OSBPL5: variants seen among roughly 807,000 people sequenced by gnomAD.
The protein encoded by OSBPL5 is oxysterol binding protein like 5.
Under a neutral mutation model 111.2 loss-of-function variants are expected in OSBPL5, and 71 were observed. The ratio of observed to expected loss-of-function variants is 0.64; its 90% confidence interval spans 0.53 to 0.78. The LOEUF is 0.78. Ranked by LOEUF, OSBPL5 falls within the 30% of genes least tolerant of loss-of-function variation. The pLI, the probability that OSBPL5 is intolerant of heterozygous loss-of-function variation, is 0.00. For missense variants in OSBPL5, 1,210 were observed against 1,189.3 expected, an observed-to-expected ratio of 1.02 and a Z score of -0.26; for synonymous variants, 549 against 513.9, an observed-to-expected ratio of 1.07 and a Z score of -0.93.
chr11:3,094,789 G>A (rs561092183), intron 14 of OSBPL5: 164 of 157,940 alleles, frequency 1.0e-3, no homozygotes, highest in African/African-American at 3.7e-3. Flanking sequence ...TCACTGCTGC[G>A]TCCCAGGATG....
At chr11:3,101,385 C>T (rs1441986802) in intron 13 of OSBPL5, among the ~76,000 whole-genome samples, 1 of 152,188 alleles carries the variant, frequency 6.6e-6, no homozygotes, top group Non-Finnish European at 1.5e-5. Flanking sequence ...CCCACAGCGT[C>T]CCTACAAAAG....
rs552382553 is a variant in OSBPL5 at position 3,098,495 on chromosome 11, A to ATTTTTTTTTTTTTTTTTT, written c.1621+1645_1621+1662dup. ...TCAAGCCATAAAAAGACATGAAGGAATTTTTTTTTTTTTTTTTTTTTTTTT... is the reference window on the plus strand; with the variant it reads ...TCAAGCCATAAAAAGACATGAAGGAATTTTTTTTTTTTTTTTTTTTTTTTTTTTTTTTTTTTTTTTTTT... On this transcript the variant is annotated intron_variant, in intron 14 of 21. Coordinates refer to ENST00000263650, the MANE Select transcript of OSBPL5 (RefSeq NM_020896.4). 6.2e-5 allele frequency among the ~76,000 whole-genome samples: 5 copies of ATTTTTTTTTTTTTTTTTT among 81,194 alleles called. 1 individual carries two copies. Among genetic ancestry groups the ATTTTTTTTTTTTTTTTTT allele is most frequent in the African/African-American group, 1.3e-4 (2 of 15,914 alleles). The allele number at this position is 81,194 out of a possible 152,430, so 53.3% of individuals were successfully genotyped here.
chr11:3,151,037 G>A lies in OSBPL5; in HGVS notation c.-22+14179C>T, dbSNP rs115451982. Reference sequence around the variant, plus strand: ...CCTTGGAAAGAGGGTCACTGTATGGGGTCCTCATCCAATGCCTGGGGTCCA... The same window carrying A: ...CCTTGGAAAGAGGGTCACTGTATGGAGTCCTCATCCAATGCCTGGGGTCCA... On this transcript the variant is annotated intron_variant, in intron 1 of 21. Transcript: ENST00000263650. 1.8e-3 allele frequency among the ~76,000 whole-genome samples: 269 copies of A among 152,272 alleles called. 1 individual carries two copies. Among genetic ancestry groups the A allele is most frequent in the African/African-American group, 6.2e-3 (258 of 41,548 alleles).
At chr11:3,127,965 G>A (rs988928785) in intron 2 of OSBPL5, among the ~76,000 whole-genome samples, 1 of 152,212 alleles carries the variant, frequency 6.6e-6, no homozygotes, top group African/African-American at 2.4e-5. Context: ...CCAGCAGCTG[G>A]GACCCAGCCC....
chr11:3,092,805 T>C lies in OSBPL5; in HGVS notation c.2132+62A>G. ...GGGAAGCCAGGAGCCCCTGGGCCCT[T>C]CTCAGCCCGTCTGCTAGGCCCAGCC... is the stretch of plus-strand genomic sequence containing the variant. On this transcript the variant is annotated intron_variant, in intron 18 of 21. Coordinates refer to ENST00000263650, the MANE Select transcript of OSBPL5 (RefSeq NM_020896.4). This position sits in a 1 kb window ranked among gnomAD's most constrained non-coding sequence, Gnocchi z 5.4. The C allele has an allele frequency of 6.8e-7, 1 of 1,469,426 alleles. No homozygotes were observed. The highest frequency in any genetic ancestry group is 9.1e-7 in the Non-Finnish European group (1 of 1,101,674). The allele number at this position is 1,469,426 out of a possible 1,614,324, so 91.0% of individuals were successfully genotyped here. A position where few individuals can be genotyped will look rare whatever the true frequency, so the allele number is the denominator to read the frequency against.
In OSBPL5 at chr11:3,104,868, T is replaced by C. The variant is rs930836031; in HGVS notation, c.1060-491A>G. Among the ~76,000 whole-genome samples the C allele has an allele frequency of 1.3e-5, 2 of 152,226 alleles. No homozygotes were observed. Among genetic ancestry groups the C allele is most frequent in the Non-Finnish European group, 2.9e-5 (2 of 68,040 alleles). Reference sequence around the variant, plus strand: ...CCACTTTATTGAGGTCTGATTGATATACAGAAGCCTTCAGATATTGAATGT... The same window carrying C: ...CCACTTTATTGAGGTCTGATTGATACACAGAAGCCTTCAGATATTGAATGT... On this transcript the variant is annotated intron_variant, in intron 9 of 21. Transcript: ENST00000263650. This position sits in a 1 kb window ranked among gnomAD's most constrained non-coding sequence, Gnocchi z 5.0.
chr11:3,107,404 T>G lies in OSBPL5; in HGVS notation c.918A>C (p.Arg306Ser). The G allele has an allele frequency of 6.2e-7, 1 of 1,614,014 alleles. No homozygotes were observed. The highest frequency in any genetic ancestry group is 2.2e-5 in the East Asian group (1 of 44,864). The change falls in exon 9 of 22, where the codon AGA (arginine) becomes AGC (serine). Residue 306 changes from arginine to serine, a missense_variant. By Grantham distance (110) the Arg-to-Ser change is moderately radical. Coordinates refer to ENST00000263650, the MANE Select transcript of OSBPL5 (RefSeq NM_020896.4). This position sits in a 1 kb window ranked among gnomAD's most constrained non-coding sequence, Gnocchi z 6.1. ...ENDAFSDKSE[R>S]ENPEESDTET... ...CGGTATCTGACTCCTCAGGGTTCTC[T>G]CTCTCCGACTTGTCTGAGAATGCAT...
chr11:3,135,297 G>T (rs961016208), intron 1 of OSBPL5, among the ~76,000 whole-genome samples: 2 of 152,230 alleles, frequency 1.3e-5, no homozygotes, highest in Admixed American at 6.5e-5. Context: ...CCAGTTGGGC[G>T]GGGCACACAC....
chr11:3,122,530 G>T, intron 3 of OSBPL5, 102 bp from the exon 4 acceptor site: 1 of 1,046,904 alleles, frequency 9.6e-7, no homozygotes, highest in Non-Finnish European at 1.4e-6. Flanking sequence ...AGAAGTCAGA[G>T]AAGGGCGCTC....
intron 20 of OSBPL5, among the ~76,000 whole-genome samples, 199 bp downstream of exon 20, chr11:3,090,359 C>T (rs980090646): frequency 7.2e-5 from 11 of 152,202 alleles, no homozygotes; most frequent in African/African-American, 2.7e-4. Context: ...CCACCATTCC[C>T]CCCGTTGGCC....
chr11:3,119,435 C>CAG (rs1858323693), intron 7 of OSBPL5, 112 bp downstream of exon 7: 2 of 1,109,018 alleles, frequency 1.8e-6, no homozygotes, highest in Non-Finnish European at 2.5e-6. Context: ...AGGCTGCCCC[C>CAG]AGACAGTAGA....
chr11:3,103,567 G>C (rs1857529688), intron 10 of OSBPL5, among the ~76,000 whole-genome samples: 2 of 152,174 alleles, frequency 1.3e-5, no homozygotes, highest in South Asian at 2.1e-4. Context: ...TGGGCTGCCA[G>C]GGTGCCCCTG....
chr11:3,134,366 AGTGCCCCTTG>A (rs1171015006), intron 1 of OSBPL5, among the ~76,000 whole-genome samples: 1 of 152,140 alleles, frequency 6.6e-6, no homozygotes, highest in African/African-American at 2.4e-5. Flanking sequence ...CAATTCTCCA[AGTGCCCCTTG>A]CCTGGGGGAG....
chr11:3,126,846 T>G lies in OSBPL5; in HGVS notation c.137-291A>C, dbSNP rs1858646094. Among the ~76,000 whole-genome samples, 1 of 152,158 alleles carries G rather than the reference T, an allele frequency of 6.6e-6. No homozygotes were observed. The highest frequency in any genetic ancestry group is 2.1e-4 in the South Asian group (1 of 4,834). ...CCGGCATCCTGGGCCTGCTGTAGTGTGCAATTGGGGGTCTGTGAAGGCCAG... is the reference window on the plus strand; with the variant it reads ...CCGGCATCCTGGGCCTGCTGTAGTGGGCAATTGGGGGTCTGTGAAGGCCAG... On this transcript the variant is annotated intron_variant, in intron 2 of 21. Coordinates refer to ENST00000263650, the MANE Select transcript of OSBPL5 (RefSeq NM_020896.4). The surrounding 1 kb of genome is among the most constrained non-coding windows in gnomAD (Gnocchi z 6.5).
chr11:3,148,465 G>A (rs1285633902), intron 1 of OSBPL5, among the ~76,000 whole-genome samples: 1 of 152,260 alleles, frequency 6.6e-6, no homozygotes, highest in African/African-American at 2.4e-5. Context: ...TAACAAGATG[G>A]AAGAACAGAG....
At chr11:3,103,806 C>CCAT (rs1564830319) in intron 10 of OSBPL5, among the ~76,000 whole-genome samples, 4 of 112,144 alleles carry the variant, frequency 3.6e-5, no homozygotes, top group East Asian at 2.2e-4. Flanking sequence ...CTCTGCAGCC[C>CCAT]TCTTCCTGCC....
At chr11:3,159,766 T>A (rs1396716870) in intron 1 of OSBPL5, among the ~76,000 whole-genome samples, 1 of 152,068 alleles carries the variant, frequency 6.6e-6, no homozygotes, top group Non-Finnish European at 1.5e-5. Flanking sequence ...AACCTTTGAC[T>A]GGCAGCCCAT....
At chr11:3,118,242 A>G (rs559226778) in intron 7 of OSBPL5, among the ~76,000 whole-genome samples, 1 of 152,364 alleles carries the variant, frequency 6.6e-6, no homozygotes, top group East Asian at 1.9e-4. Flanking sequence ...GCTAGGGGCC[A>G]ACCTGCCCCC....
At position 3,158,547 on chromosome 11, in the gene OSBPL5, C is replaced by A. The variant is rs539201832; in HGVS notation, c.-22+6669G>T. On this transcript the variant is annotated intron_variant, in intron 1 of 21. Coordinates refer to ENST00000263650, the MANE Select transcript of OSBPL5 (RefSeq NM_020896.4). ...ATCAGGCCAGTCCACCGCCCCAGGA[C>A]CAGCCATGGGGACACCCCACGTGCA... is the stretch of plus-strand genomic sequence containing the variant. Among the ~76,000 whole-genome samples, 12 of 152,352 alleles carry A rather than the reference C, an allele frequency of 7.9e-5. No individual in the cohort carries two copies. The East Asian group carries it at 1.9e-3, about 25-fold the overall frequency.
Sources: allele counts gnomAD v4.1 joint callset (sites outside exome capture counted in the v4.1 genomes callset), GRCh38; gene constraint gnomAD v4.1.1; non-coding constraint Gnocchi (gnomAD v3.1); transcripts MANE v1.5; gene names NCBI Gene and HGNC (gene_info 2026-07-23, HGNC 2026-07-21).